SGSH: variants seen among roughly 807,000 people sequenced by gnomAD.
SGSH encodes the protein heparan sulfate sulfatase.
Under a neutral mutation model 51.0 loss-of-function variants are expected in SGSH, and 48 were observed. The ratio of observed to expected loss-of-function variants is 0.94; its 90% CI spans 0.75 to 1.20. The LOEUF (loss-of-function observed/expected upper bound fraction) is 1.20, where lower values mean the gene tolerates loss of function less well. Among genes scored for constraint, SGSH ranks in the 50% most tolerant of loss-of-function variants. The pLI is 0.00. For synonymous variants in SGSH, 321 were observed against 313.4 expected (o/e 1.02, Z -0.26); for missense variants, 662 against 717.8 (o/e 0.92, Z 0.89).
downstream of SGSH, chr17:80,205,212 T>C: frequency 1.2e-6 from 2 of 1,607,884 alleles, no homozygotes; most frequent in Non-Finnish European, 8.5e-7. Flanking sequence ...GCAGGTATGC[T>C]GTTGCCTGGG....
At chr17:80,216,267 T>G (rs1166450199) in intron 2 of SGSH, among the ~76,000 whole-genome samples, 1 of 151,586 alleles carries the variant, frequency 6.6e-6, no homozygotes, top group Admixed American at 6.6e-5. Flanking sequence ...AGGCAGAGGC[T>G]GCAGTGAGCC....
downstream of SGSH, chr17:80,209,121 C>A (rs943340411): frequency 3.3e-5 from 6 of 181,206 alleles, no homozygotes; most frequent in Admixed American, 3.3e-4. Flanking sequence ...GGCCAAACAT[C>A]TTTACTCCAC....
intron 7 of SGSH, 115 bp from the exon 8 acceptor site, chr17:80,211,126 C>A: frequency 6.5e-7 from 1 of 1,533,132 alleles, no homozygotes; most frequent in Non-Finnish European, 8.7e-7. Flanking sequence ...CAATCAGCAG[C>A]GGGAGGTGCC....
At position 80,217,185 on chromosome 17, in the gene SGSH, G is replaced by GT; in HGVS notation, c.95dup (p.Asp32GlufsTer5). 6.3e-7 allele frequency: 1 copy of GT among 1,599,220 alleles called. No individual in the cohort carries two copies. Among genetic ancestry groups the GT allele is most frequent in the African/African-American group, 1.3e-5 (1 of 75,046 alleles). On this transcript the variant is annotated frameshift_variant, in exon 2 of 8. Coordinates refer to ENST00000326317, the MANE Select transcript of SGSH (RefSeq NM_000199.5). LOFTEE classifies it high-confidence loss of function. ...TGTACGCGCCACTCTCAAAGCCTCC[G>GT]TCATCCGCTGCGTGAGGTGGGAGAC...
downstream of SGSH, chr17:80,204,257 C>A: frequency 6.3e-7 from 1 of 1,597,530 alleles, no homozygotes; most frequent in East Asian, 2.3e-5. Context: ...GAAGCTGGTC[C>A]GCATCGTCAG....
chr17:80,205,617 G>A, downstream of SGSH: 1 of 1,566,142 alleles, frequency 6.4e-7, no homozygotes, highest in Admixed American at 1.9e-5. Flanking sequence ...CCGCTGCTGG[G>A]TGACCCGCCA....
At chr17:80,206,909 C>T, downstream of SGSH, 1 of 1,286,246 alleles carries the variant, frequency 7.8e-7, no homozygotes, top group South Asian at 1.3e-5. Flanking sequence ...TGGGCGTTGG[C>T]TCCCTTTGCT....
rs1304234624 is a variant in SGSH, at chr17:80,220,209, G to A, written c.88+17C>T. On this transcript the variant is annotated intron_variant, in intron 1 of 7. Coordinates refer to ENST00000326317, the MANE Select transcript of SGSH (RefSeq NM_000199.5). ...GGCCACCGCAGGTGGGCGTGGGGGG[G>A]CGGCGCCGGCACTCACCGAGGAGCA... 3 of 1,505,988 alleles carry A rather than the reference G, an allele frequency of 2.0e-6. No individual in the cohort carries two copies. The highest frequency in any genetic ancestry group is 2.5e-5 in the South Asian group (2 of 81,242). 93.3% of individuals were successfully genotyped at this position (1,505,988 alleles called of 1,614,324 possible). A position where few individuals can be genotyped will look rare whatever the true frequency, so the allele number is the denominator to read the frequency against.
Position 80,210,397 on chromosome 17 carries a change from G to A in SGSH, c.*55C>T, listed in dbSNP as rs2041587219. 2.0e-6 allele frequency: 3 copies of A among 1,524,192 alleles called. No homozygotes were observed. The highest frequency in any genetic ancestry group is 1.2e-5 in the South Asian group (1 of 82,092). The allele number at this position is 1,524,192 out of a possible 1,614,324, so 94.4% of individuals were successfully genotyped here. A position where few individuals can be genotyped will look rare whatever the true frequency, so the allele number is the denominator to read the frequency against. ...CCAGGCTGGCCGGCCACACGGACAC[G>A]TGTGGGATGTGTCTGGGACATGCCT... On this transcript the variant is annotated 3_prime_UTR_variant, in exon 8 of 8. Coordinates refer to ENST00000326317, the MANE Select transcript of SGSH (RefSeq NM_000199.5).
At chr17:80,206,544 T>A (rs1052679896), downstream of SGSH, among the ~76,000 whole-genome samples, 1 of 152,192 alleles carries the variant, frequency 6.6e-6, no homozygotes, top group African/African-American at 2.4e-5. Flanking sequence ...GGCGGGCAGA[T>A]CACCTGAGGT....
At position 80,220,298 on chromosome 17, in the gene SGSH, G is replaced by A. The variant is rs1279755621; in HGVS notation, c.16C>T (p.Pro6Ser). 6.6e-7 allele frequency: 1 copy of A among 1,516,190 alleles called. No homozygotes were observed. The highest frequency in any genetic ancestry group is 2.0e-5 in the Admixed American group (1 of 49,800). The allele number at this position is 1,516,190 out of a possible 1,614,324, so 93.9% of individuals were successfully genotyped here. Reference sequence around the variant, plus strand: ...ACTAGCAGCAGCGCGCAGCAGGCGGGCACGGGGCAGCTCATGGCGGCGGCG... The same window carrying A: ...ACTAGCAGCAGCGCGCAGCAGGCGGACACGGGGCAGCTCATGGCGGCGGCG... MSCPV[P>S]ACCALLLVLG... Residue 6 changes from proline to serine, a missense_variant, in exon 1 of 8, where the codon CCC (proline) becomes TCC (serine). Pro to Ser is a moderately conservative substitution (Grantham distance 74, BLOSUM62 -1). Coordinates refer to ENST00000326317, the MANE Select transcript of SGSH (RefSeq NM_000199.5).
intron 7 of SGSH, 59 bp from the exon 8 acceptor site, chr17:80,211,070 G>C: frequency 1.3e-6 from 2 of 1,590,560 alleles, no homozygotes; most frequent in African/African-American, 1.3e-5. Context: ...AGCTGCCCTC[G>C]GAAGGGCCGA....
downstream of SGSH, chr17:80,205,101 A>G (rs1179947028): frequency 6.2e-7 from 1 of 1,613,536 alleles, no homozygotes; most frequent in South Asian, 1.1e-5. Flanking sequence ...GTGCGGCCCC[A>G]TCGACCCGCC....
chr17:80,206,541 A>G (rs2041321553), downstream of SGSH, among the ~76,000 whole-genome samples: 1 of 152,210 alleles, frequency 6.6e-6, no homozygotes, highest in Non-Finnish European at 1.5e-5. Flanking sequence ...CGAGGCGGGC[A>G]GATCACCTGA....
At chr17:80,218,641 G>C (rs947683577) in intron 1 of SGSH, among the ~76,000 whole-genome samples, 3 of 152,228 alleles carry the variant, frequency 2.0e-5, no homozygotes, top group Non-Finnish European at 4.4e-5. Flanking sequence ...AGCGGGATGG[G>C]CTGTGCTCCG....
In SGSH at chr17:80,213,700, C is replaced by T; in HGVS notation, c.745+104G>A. The T allele has an allele frequency of 2.9e-6, 3 of 1,032,164 alleles. No individual in the cohort carries two copies. The highest frequency in any genetic ancestry group is 4.3e-6 in the Non-Finnish European group (3 of 690,124). 63.9% of individuals were successfully genotyped at this position (1,032,164 alleles called of 1,614,324 possible). On this transcript the variant is annotated intron_variant, in intron 6 of 7. Transcript: ENST00000326317. The surrounding 1 kb of genome is among the most constrained non-coding windows in gnomAD (Gnocchi z 4.6). ...CAGCTGCAGCACAGGGCCTGCCACA[C>T]TGGGACCCTCACCCACATTATGCCG...
At position 80,210,326 on chromosome 17, in the gene SGSH, C is replaced by A; in HGVS notation, c.*126G>T. 3 of 1,443,020 alleles carry A rather than the reference C, an allele frequency of 2.1e-6. No homozygotes were observed. Among genetic ancestry groups the A allele is most frequent in the Non-Finnish European group, 2.7e-6 (3 of 1,101,402 alleles). The allele number at this position is 1,443,020 out of a possible 1,614,324, so 89.4% of individuals were successfully genotyped here. A position where few individuals can be genotyped will look rare whatever the true frequency, so the allele number is the denominator to read the frequency against. On this transcript the variant is annotated 3_prime_UTR_variant, in exon 8 of 8. Transcript: ENST00000326317. Reference sequence around the variant, plus strand: ...GAGTGACCCCACAGGAAGGAAGAACCCTCCTTGGATGGGAGTGTGGACGGA... The same window carrying A: ...GAGTGACCCCACAGGAAGGAAGAACACTCCTTGGATGGGAGTGTGGACGGA...
At chr17:80,216,779 TGAG>T in intron 2 of SGSH, 1 of 550,380 alleles carries the variant, frequency 1.8e-6, no homozygotes, top group Non-Finnish European at 3.3e-6. Context: ...ATCTTACAGA[TGAG>T]GAAACTGAGG....
downstream of SGSH, chr17:80,208,385 T>G (rs1384620277): frequency 2.0e-6 from 3 of 1,498,512 alleles, no homozygotes; most frequent in Admixed American, 2.0e-5. Flanking sequence ...GGCTTCTGTG[T>G]GCCTGTTAAT....
Sources: gnomAD v4.1 joint callset for allele counts (sites outside exome capture counted in the v4.1 genomes callset) on GRCh38, gnomAD v4.1.1 for gene constraint, Gnocchi (gnomAD v3.1) non-coding constraint, MANE v1.5 for transcripts, NCBI Gene and HGNC (gene_info 2026-07-23, HGNC 2026-07-21) for gene names.